OXTR: variants seen among roughly 807,000 people sequenced by gnomAD.
The protein encoded by OXTR is oxytocin receptor.
In OXTR, 19 loss-of-function variants were observed where a neutral mutation model predicts 23.9. The observed-to-expected ratio is 0.80, with a 90% CI of 0.56 to 1.17. OXTR has a LOEUF of 1.17. Among genes scored for constraint, OXTR ranks in the 50% most tolerant of loss-of-function variants. The pLI, the probability that OXTR is intolerant of heterozygous loss-of-function variation, is 0.00. For synonymous variants in OXTR, 278 were observed against 250.5 expected (o/e 1.11, Z -1.04); for missense variants, 500 against 550.7 (o/e 0.91, Z 0.92).
chr3:8,768,188 G>C lies in OXTR; in HGVS notation c.-1C>G. ...AGTTGGCTGCGAGCGCGCCCTCCAT[G>C]ACCCTGGCGGCAGCGGTGCGCCCCG... On this transcript the variant is annotated 5_prime_UTR_variant, in exon 3 of 4. Transcript: ENST00000316793. This position sits in a 1 kb window ranked among gnomAD's most constrained non-coding sequence, Gnocchi z 5.4. 1.5e-6 allele frequency: 2 copies of C among 1,293,380 alleles called. No homozygotes were observed. The highest frequency in any genetic ancestry group is 1.9e-6 in the Non-Finnish European group (2 of 1,028,026). 80.1% of individuals were successfully genotyped at this position (1,293,380 alleles called of 1,614,324 possible). A position where few individuals can be genotyped will look rare whatever the true frequency, so the allele number is the denominator to read the frequency against.
At chr3:8,761,214 G>A (rs1708478624) in intron 3 of OXTR, among the ~76,000 whole-genome samples, 1 of 152,238 alleles carries the variant, frequency 6.6e-6, no homozygotes, top group African/African-American at 2.4e-5. Context: ...GTGCCAACCT[G>A]AGGCATGTGG....
Position 8,751,265 on chromosome 3 carries a change from A to G in OXTR, c.*1712T>C, listed in dbSNP as rs1708251634. On this transcript the variant is annotated 3_prime_UTR_variant, in exon 4 of 4. Transcript: ENST00000316793. The stretch of plus-strand genomic sequence containing the variant: ...TATTGTTGTGTTATAAGAGTTATTT[A>G]TATATTCCAGATACAAGCCCCTTAT... The G allele has an allele frequency of 6.6e-6, 1 of 152,158 alleles. No individual in the cohort carries two copies. Among genetic ancestry groups the G allele is most frequent in the Non-Finnish European group, 1.5e-5 (1 of 68,034 alleles). The allele number at this position is 152,158 out of a possible 1,614,324, so 9.4% of individuals were successfully genotyped here. A position where few individuals can be genotyped will look rare whatever the true frequency, so the allele number is the denominator to read the frequency against.
At chr3:8,756,053 C>T (rs1009130286) in intron 3 of OXTR, among the ~76,000 whole-genome samples, 2 of 152,148 alleles carry the variant, frequency 1.3e-5, no homozygotes, top group Admixed American at 6.5e-5. Context: ...CAATAGGGAG[C>T]CACTGATGGT....
In OXTR at chr3:8,751,981, C is replaced by G. The variant is rs1708269652; in HGVS notation, c.*996G>C. 1 of 152,218 alleles carries G rather than the reference C, an allele frequency of 6.6e-6. No homozygotes were observed. The highest frequency in any genetic ancestry group is 1.5e-5 in the Non-Finnish European group (1 of 68,034). The allele number at this position is 152,218 out of a possible 1,614,324, so 9.4% of individuals were successfully genotyped here. ...TATTGCCATCTTAACAATACTAAGT[C>G]TGATCCATGAACACAGGATGTCTTT... On this transcript the variant is annotated 3_prime_UTR_variant, in exon 4 of 4. Coordinates refer to ENST00000316793, the MANE Select transcript of OXTR (RefSeq NM_000916.4).
At chr3:8,744,166 G>A in the OXTR span, among the ~76,000 whole-genome samples, 3 of 152,128 alleles carry the variant, frequency 2.0e-5, no homozygotes, top group Non-Finnish European at 1.5e-5. Flanking sequence ...TCAGGCATTA[G>A]CAAACAGCTC....
intron 3 of OXTR, among the ~76,000 whole-genome samples, chr3:8,755,785 A>T (rs904277019): frequency 6.6e-6 from 1 of 152,242 alleles, no homozygotes; most frequent in African/African-American, 2.4e-5. Flanking sequence ...TTAAGTTTCC[A>T]GGAACAGCAC....
At chr3:8,744,025 T>C in the OXTR span, among the ~76,000 whole-genome samples, 2 of 152,180 alleles carry the variant, frequency 1.3e-5, no homozygotes, top group African/African-American at 4.8e-5. Flanking sequence ...AAGATTGAAG[T>C]TGGAGCCTCA....
Position 8,753,144 on chromosome 3 carries a change from G to A in OXTR, c.1003C>T (p.His335Tyr), listed in dbSNP as rs1708304453. 1.9e-6 allele frequency: 3 copies of A among 1,614,182 alleles called. No homozygotes were observed. The highest frequency in any genetic ancestry group is 2.5e-6 in the Non-Finnish European group (3 of 1,180,038). ...NPWIYMLFTG[H>Y]LFHELVQRFL... ...CGCTGCACGAGTTCGTGGAAGAGGT[G>A]GCCCGTGAACAGCATGTAGATCCAG... The change falls in exon 4 of 4, where the codon CAC becomes TAC. Residue 335 changes from histidine (H) to tyrosine (Y), a missense_variant. By Grantham distance (83) the His-to-Tyr change is moderately conservative. Transcript: ENST00000316793.
chr3:8,746,919 C>T (rs183632625), downstream of OXTR, among the ~76,000 whole-genome samples: 229 of 152,094 alleles, frequency 1.5e-3, no homozygotes, highest in African/African-American at 5.1e-3. Context: ...ATCTGTGGTC[C>T]GGTTCTTTCA....
At chr3:8,746,575 C>T (rs1041276926), downstream of OXTR, 5 of 152,022 alleles carry the variant, frequency 3.3e-5, no homozygotes, top group African/African-American at 1.2e-4. Flanking sequence ...TTCCAGGGTA[C>T]CACTGAGGGA....
Position 8,767,671 on chromosome 3 carries a change from G to C in OXTR, c.517C>G (p.His173Asp), listed in dbSNP as rs1444832306. Reference sequence around the variant, plus strand: ...GCCACCTCGCGCAGAGAGAAGATGTGCACCTGCGGCGCGCTGGCCACCAGG... The same window carrying C: ...GCCACCTCGCGCAGAGAGAAGATGTCCACCTGCGGCGCGCTGGCCACCAGG... ...GCLVASAPQV[H>D]IFSLREVADG... The change falls in exon 3 of 4, where the codon CAC becomes GAC. Residue 173 changes from histidine to aspartate, a missense_variant. Transcript: ENST00000316793. The C allele has an allele frequency of 6.2e-7, 1 of 1,611,638 alleles. No individual in the cohort carries two copies. Among genetic ancestry groups the C allele is most frequent in the South Asian group, 1.1e-5 (1 of 90,976 alleles).
chr3:8,746,773 C>T (rs1481291790), downstream of OXTR: 2 of 139,090 alleles, frequency 1.4e-5, no homozygotes, highest in African/African-American at 5.7e-5. Context: ...GTATCACTTC[C>T]TCCCTCCTCA....
chr3:8,750,010 C>T (rs946306168), downstream of OXTR, among the ~76,000 whole-genome samples: 3 of 152,180 alleles, frequency 2.0e-5, 1 homozygote, highest in African/African-American at 7.2e-5. Flanking sequence ...CAGTCCCTGA[C>T]AGTAAACCTC....
chr3:8,746,061 C>A, downstream of OXTR: 1 of 574,660 alleles, frequency 1.7e-6, no homozygotes, highest in Non-Finnish European at 3.1e-6. Context: ...GCCCTTCGCT[C>A]TCCCCCAGCC....
chr3:8,754,403 T>C (rs1208511079), intron 3 of OXTR, among the ~76,000 whole-genome samples: 1 of 152,140 alleles, frequency 6.6e-6, no homozygotes, highest in Non-Finnish European at 1.5e-5. Context: ...GGAAAACAAC[T>C]AAGAATTCTG....
At chr3:8,748,927 C>T (rs1472399896), downstream of OXTR, among the ~76,000 whole-genome samples, 1 of 152,112 alleles carries the variant, frequency 6.6e-6, no homozygotes, top group Non-Finnish European at 1.5e-5. Flanking sequence ...CTCAGAGTTT[C>T]CACGTTCACT....
downstream of OXTR, among the ~76,000 whole-genome samples, chr3:8,749,938 C>G (rs932016451): frequency 6.6e-6 from 1 of 152,160 alleles, no homozygotes; most frequent in Non-Finnish European, 1.5e-5. Flanking sequence ...CCTGCTGTAT[C>G]TCAGTAAGTA....
chr3:8,762,205 C>T (rs1221329858), intron 3 of OXTR, among the ~76,000 whole-genome samples: 2 of 152,172 alleles, frequency 1.3e-5, no homozygotes, highest in East Asian at 1.9e-4. Context: ...AACCCCTCTT[C>T]CCCTCCTCAC....
rs773098240 is a variant in OXTR, at chr3:8,753,259, G to T, written c.923-35C>A. ...TGGGGGCAGGAGAAAGGAGAAAAGG[G>T]CATTAATTAACACTGGAGCCACTTC... On this transcript the variant is annotated intron_variant, in intron 3 of 3. Transcript: ENST00000316793. The T allele has an allele frequency of 6.2e-6, 10 of 1,608,558 alleles. No homozygotes were observed. The East Asian group carries it at 1.8e-4, about 29-fold the overall frequency.
Sources: gnomAD v4.1 joint callset for allele counts (sites outside exome capture counted in the v4.1 genomes callset) on GRCh38, gnomAD v4.1.1 for gene constraint, Gnocchi (gnomAD v3.1) non-coding constraint, MANE v1.5 for transcripts, NCBI Gene and HGNC (gene_info 2026-07-23, HGNC 2026-07-21) for gene names.